The following HFM1 variants were observed in gnomAD, a reference collection of about 807,000 sequenced individuals.
HFM1 encodes the protein probable ATP-dependent DNA helicase HFM1.
Under a neutral mutation model 192.1 loss-of-function variants are expected in HFM1, and 169 were observed. That is an observed-to-expected ratio of 0.88 (90% CI 0.78 to 1.00). The LOEUF is 1.00. HFM1 is among the 50% of genes least tolerant of loss of function. The pLI is 0.00. For missense variants in HFM1, 1,661 were observed against 1,668.0 expected, an observed-to-expected ratio of 1.00 and a Z score of 0.07; for synonymous variants, 525 against 537.8, an observed-to-expected ratio of 0.98 and a Z score of 0.33.
chr1:91,281,581 GC>G (rs1477870826), intron 30 of HFM1, among the ~76,000 whole-genome samples: 1 of 152,146 alleles, frequency 6.6e-6, no homozygotes, highest in African/African-American at 2.4e-5. Context: ...TCAATTTTGA[GC>G]AACTGCCTAA....
chr1:91,328,245 TGA>T (rs1653215270), intron 20 of HFM1: 1 of 559,620 alleles, frequency 1.8e-6, no homozygotes, highest in Non-Finnish European at 2.9e-6. Context: ...AAAGAAGGGC[TGA>T]GTGTCAGGCG....
intron 19 of HFM1, among the ~76,000 whole-genome samples, chr1:91,345,475 T>A (rs1656008561): frequency 6.6e-6 from 1 of 152,014 alleles, no homozygotes; most frequent in South Asian, 2.1e-4. Flanking sequence ...ATTCTAAGAG[T>A]GACGGGGAAG....
chr1:91,358,327 A>C (rs2101802126), intron 13 of HFM1, among the ~76,000 whole-genome samples: 1 of 152,256 alleles, frequency 6.6e-6, no homozygotes, highest in South Asian at 2.1e-4. Flanking sequence ...GAACCACAAT[A>C]AACCCTGGAT....
intron 13 of HFM1, among the ~76,000 whole-genome samples, chr1:91,370,839 AC>A (rs1262246254): frequency 6.6e-6 from 1 of 152,000 alleles, no homozygotes; most frequent in Non-Finnish European, 1.5e-5. Context: ...TATTTAGAAA[AC>A]CCCATGTTCC....
intron 24 of HFM1, 34 bp from the exon 25 acceptor site, chr1:91,319,243 T>A: frequency 6.2e-7 from 1 of 1,604,414 alleles, no homozygotes; most frequent in Non-Finnish European, 8.5e-7. Context: ...AAATCTAATA[T>A]ACCAGTTTAT....
intron 7 of HFM1, 145 bp downstream of exon 7, chr1:91,380,767 C>A: frequency 1.8e-6 from 1 of 549,660 alleles, no homozygotes; most frequent in Non-Finnish European, 3.2e-6. Context: ...TATTCATTTA[C>A]CAAATATTTT....
chr1:91,377,963 A>G, intron 11 of HFM1, 62 bp downstream of exon 11: 4 of 1,429,064 alleles, frequency 2.8e-6, no homozygotes, highest in Non-Finnish European at 3.9e-6. Flanking sequence ...TCTATGATCA[A>G]GATGACTAAA....
At chr1:91,332,830 C>T (rs556864109) in intron 20 of HFM1, among the ~76,000 whole-genome samples, 1 of 152,246 alleles carries the variant, frequency 6.6e-6, no homozygotes, top group Admixed American at 6.5e-5. Flanking sequence ...ATACAAACAG[C>T]AAACAGGCAT....
At chr1:91,332,150 TA>T (rs1337505545) in intron 20 of HFM1, among the ~76,000 whole-genome samples, 15 of 152,078 alleles carry the variant, frequency 9.9e-5, no homozygotes, top group African/African-American at 3.6e-4. Flanking sequence ...TAGCCAAAGC[TA>T]GTCTAAGCAA....
intron 19 of HFM1, 151 bp downstream of exon 19, chr1:91,347,278 T>C (rs1557887662): frequency 2.0e-5 from 9 of 455,592 alleles, no homozygotes; most frequent in Non-Finnish European, 1.6e-5. Context: ...CCAAGCTTTT[T>C]GTGTGAAAAA....
intron 30 of HFM1, among the ~76,000 whole-genome samples, chr1:91,284,045 TTTG>T (rs987681278): frequency 2.0e-5 from 3 of 151,984 alleles, no homozygotes; most frequent in Non-Finnish European, 2.9e-5. Flanking sequence ...TTACTATCAT[TTTG>T]TTATTTATTT....
At position 91,262,296 on chromosome 1, in the gene HFM1, T is replaced by C; in HGVS notation, c.4183A>G (p.Lys1395Glu). The C allele has an allele frequency of 6.7e-7, 1 of 1,496,806 alleles. No homozygotes were observed. Among genetic ancestry groups the C allele is most frequent in the Non-Finnish European group, 9.1e-7 (1 of 1,095,884 alleles). 92.7% of individuals were successfully genotyped at this position (1,496,806 alleles called of 1,614,324 possible). A position where few individuals can be genotyped will look rare whatever the true frequency, so the allele number is the denominator to read the frequency against. Residue 1395 changes from lysine (K) to glutamate (E), a missense_variant, in exon 38 of 39, where the codon AAA (lysine) becomes GAA (glutamate). Physicochemically the swap from Lys to Glu is moderately conservative, Grantham distance 56 (BLOSUM62 1). Coordinates refer to ENST00000370425, the MANE Select transcript of HFM1 (RefSeq NM_001017975.6). ...SEKNPNSSNY[K>E]KVDFFIRNSE... ...TTTCTAATAAAAAAATCCACTTTTT[T>C]ATAATTTGAAGAATTTGGGTTTTTT...
chr1:91,364,306 G>C (rs1159715604), intron 13 of HFM1, among the ~76,000 whole-genome samples: 2 of 151,878 alleles, frequency 1.3e-5, no homozygotes, highest in African/African-American at 4.8e-5. Flanking sequence ...ACAGGTGATG[G>C]TGTGGAAAAA....
At chr1:91,339,246 T>C (rs1571007895) in intron 20 of HFM1, among the ~76,000 whole-genome samples, 1 of 151,822 alleles carries the variant, frequency 6.6e-6, no homozygotes, top group South Asian at 2.1e-4. Flanking sequence ...AGTGTTTTCT[T>C]ACTTCCAAAC....
At chr1:91,267,499 T>C (rs1488978497) in intron 35 of HFM1, among the ~76,000 whole-genome samples, 7 of 152,072 alleles carry the variant, frequency 4.6e-5, no homozygotes, top group African/African-American at 1.7e-4. Flanking sequence ...ATAGGAGCAA[T>C]AGAATAGAAA....
chr1:91,341,760 C>A (rs1655368393), intron 20 of HFM1, among the ~76,000 whole-genome samples: 3 of 151,382 alleles, frequency 2.0e-5, no homozygotes, highest in Non-Finnish European at 2.9e-5. Context: ...AAGATACGAC[C>A]ACCAATCTCA....
intron 20 of HFM1, among the ~76,000 whole-genome samples, chr1:91,336,224 C>A (rs1044009572): frequency 6.6e-6 from 1 of 150,678 alleles, no homozygotes; most frequent in Admixed American, 6.6e-5. Flanking sequence ...CTATCTCTCT[C>A]TCCCTCCCTC....
chr1:91,277,918 T>A (rs1275009959), intron 30 of HFM1, among the ~76,000 whole-genome samples: 4 of 130,808 alleles, frequency 3.1e-5, no homozygotes, highest in African/African-American at 1.1e-4. Flanking sequence ...ATATATACAC[T>A]AATATATAAT....
intron 30 of HFM1, among the ~76,000 whole-genome samples, chr1:91,298,961 G>A (rs1392841494): frequency 6.6e-6 from 1 of 152,088 alleles, no homozygotes; most frequent in Non-Finnish European, 1.5e-5. Flanking sequence ...CTGTAAATGG[G>A]CTAAATGCTC....
Sources: gnomAD v4.1 joint callset for allele counts (sites outside exome capture counted in the v4.1 genomes callset) on GRCh38, gnomAD v4.1.1 for gene constraint, MANE v1.5 for transcripts, NCBI Gene and HGNC (gene_info 2026-07-23, HGNC 2026-07-21) for gene names.